The following GREB1 variants were observed in gnomAD, a reference collection of about 807,000 sequenced individuals.
GREB1 encodes protein GREB1.
A neutral mutation model predicts 200.7 loss-of-function variants in GREB1; 106 were observed. The ratio of observed to expected loss-of-function variants is 0.53; its 90% CI spans 0.45 to 0.62. GREB1 has a LOEUF of 0.62. GREB1 is among the 20% of genes least tolerant of loss of function. The probability of loss-of-function intolerance (pLI) is 0.00; values close to 1 mark genes in which losing one functional copy is unlikely to be tolerated. For synonymous variants in GREB1, 1,132 were observed against 1,092.4 expected, an observed-to-expected ratio of 1.04 and a Z score of -0.72; for missense variants, 2,243 against 2,556.8, an observed-to-expected ratio of 0.88 and a Z score of 2.65.
At chr2:11,618,974 C>T in intron 22 of GREB1, 55 bp downstream of exon 22, 1 of 1,414,786 alleles carries the variant, frequency 7.1e-7, no homozygotes, top group Non-Finnish European at 9.3e-7. Context: ...TCCTCACACT[C>T]CCATCTGGAG....
In GREB1 at chr2:11,566,547, G is replaced by C. The variant is rs1488990581; in HGVS notation, c.345G>C (p.Ala115=). 1 of 1,614,104 alleles carries C rather than the reference G, an allele frequency of 6.2e-7. No homozygotes were observed. The highest frequency in any genetic ancestry group is 8.5e-7 in the Non-Finnish European group (1 of 1,179,996). The part of the protein sequence containing the change: ...SISNEPMDVP[A]GFLLVGVKSP... ...CCAACGAGCCCATGGATGTCCCTGC[G>C]GGCTTTCTCCTCGTGGGGGTCAAGT... Residue 115 remains alanine, a synonymous_variant, in exon 4 of 33, where the codon GCG becomes GCC. Transcript: ENST00000381486.
intron 1 of GREB1, among the ~76,000 whole-genome samples, chr2:11,503,027 G>T (rs540749493): frequency 6.6e-6 from 1 of 152,206 alleles, no homozygotes; most frequent in East Asian, 1.9e-4. Context: ...GGAGGCTGCT[G>T]CAGAGGTGCC....
At chr2:11,569,345 A>C (rs1368647910) in intron 4 of GREB1, among the ~76,000 whole-genome samples, 1 of 151,388 alleles carries the variant, frequency 6.6e-6, no homozygotes, top group Non-Finnish European at 1.5e-5. Context: ...GGGGGGATGC[A>C]GGCACACCAA....
chr2:11,619,020 T>G, intron 22 of GREB1, 101 bp downstream of exon 22: 1 of 1,130,646 alleles, frequency 8.8e-7, no homozygotes, highest in Non-Finnish European at 1.2e-6. Context: ...ACGTCTTCAC[T>G]TTTCACCCTT....
intron 17 of GREB1, among the ~76,000 whole-genome samples, chr2:11,603,087 A>G (rs1558618521): frequency 6.6e-6 from 1 of 152,222 alleles, no homozygotes; most frequent in Non-Finnish European, 1.5e-5. Context: ...CAAGTGACAG[A>G]ACTGGGTGAG....
intron 14 of GREB1, 23 bp from the exon 15 acceptor site, chr2:11,598,657 G>T (rs1253384052): frequency 6.2e-7 from 1 of 1,610,654 alleles, no homozygotes; most frequent in Admixed American, 1.7e-5. Context: ...TGCAGTTACT[G>T]ATGTATGTTC....
In GREB1 at chr2:11,522,507, C is replaced by T. The variant is rs569098914; in HGVS notation, c.-158-33950C>T. On this transcript the variant is annotated intron_variant, in intron 1 of 2. Coordinates refer to the GREB1 transcript ENST00000628795. The stretch of plus-strand genomic sequence containing the variant: ...ACTGGTTTTTGTGCTGGACCCTGCA[C>T]ACTGCTGCAGGACTCGCAGCAGGAA... Among the ~76,000 whole-genome samples, 10 of 152,278 alleles carry T rather than the reference C, an allele frequency of 6.6e-5. No homozygotes were observed. In the South Asian group the frequency reaches 2.1e-3, roughly 32 times the overall value.
chr2:11,580,947 C>T lies in GREB1; in HGVS notation c.901+115C>T. ...CTGAGCCTCCTGGAGTCTGATGTGGCTTCCATGAGAGTCAGGCCAGGACCA... is the reference window on the plus strand; with the variant it reads ...CTGAGCCTCCTGGAGTCTGATGTGGTTTCCATGAGAGTCAGGCCAGGACCA... On this transcript the variant is annotated intron_variant, in intron 7 of 32. Coordinates refer to ENST00000381486, the MANE Select transcript of GREB1 (RefSeq NM_014668.4). This position sits in a 1 kb window ranked among gnomAD's most constrained non-coding sequence, Gnocchi z 4.5. 4 of 1,329,434 alleles carry T rather than the reference C, an allele frequency of 3.0e-6. No individual in the cohort carries two copies. Among genetic ancestry groups the T allele is most frequent in the South Asian group, 1.2e-5 (1 of 81,698 alleles). The allele number at this position is 1,329,434 out of a possible 1,614,324, so 82.4% of individuals were successfully genotyped here.
At chr2:11,581,206 G>T (rs766261104) in intron 7 of GREB1, 4 of 566,370 alleles carry the variant, frequency 7.1e-6, no homozygotes, top group Admixed American at 6.6e-5. Flanking sequence ...AAAACCTACC[G>T]CTGTCTCTTG....
chr2:11,489,938 C>CATA (rs376716554), intron 1 of GREB1, among the ~76,000 whole-genome samples: 5,178 of 145,962 alleles, frequency 0.035, 302 homozygotes, highest in African/African-American at 0.12. Flanking sequence ...AGTACAATAA[C>CATA]ATATATATTT....
chr2:11,615,124 C>T lies in GREB1; in HGVS notation c.3156C>T (p.Asn1052=), dbSNP rs1425511034. ...SLRYCDLRLI[N]SSCLVRTALE... ...GGTACTGTGACCTGCGATTGATAAACTCCTCCTGCTTGGTGAGAACAGCCT... is the reference window on the plus strand; with the variant it reads ...GGTACTGTGACCTGCGATTGATAAATTCCTCCTGCTTGGTGAGAACAGCCT... Residue 1052 remains asparagine, a synonymous_variant, in exon 20 of 33, where the codon AAC becomes AAT. Transcript: ENST00000381486. The T allele has an allele frequency of 1.2e-6, 2 of 1,614,180 alleles. No homozygotes were observed. The highest frequency in any genetic ancestry group is 1.7e-5 in the Admixed American group (1 of 60,034).
chr2:11,489,454 G>A (rs184395063), intron 1 of GREB1, among the ~76,000 whole-genome samples: 31 of 150,912 alleles, frequency 2.1e-4, no homozygotes, highest in East Asian at 3.9e-4. Flanking sequence ...GCCAGACTCC[G>A]TCTTGGGGGA....
intron 10 of GREB1, chr2:11,591,381 C>T (rs543031880): frequency 1.2e-4 from 86 of 734,592 alleles, no homozygotes; most frequent in African/African-American, 1.7e-4. Flanking sequence ...GGAAGCCTGA[C>T]GCACTTTCTT....
chr2:11,577,879 C>G (rs1452530663), intron 5 of GREB1, among the ~76,000 whole-genome samples: 1 of 152,252 alleles, frequency 6.6e-6, no homozygotes, highest in African/African-American at 2.4e-5. Flanking sequence ...CTTTGATCAC[C>G]TGCTGGGTCC....
At chr2:11,586,884 AC>A (rs1680157907) in intron 9 of GREB1, among the ~76,000 whole-genome samples, 4 of 152,238 alleles carry the variant, frequency 2.6e-5, no homozygotes, top group Middle Eastern at 3.4e-3. Context: ...TCAAATGAAG[AC>A]CAACATTCTT....
At position 11,514,929 on chromosome 2, in the gene GREB1, A is replaced by T. The variant is rs370120053; in HGVS notation, c.-159+32548A>T. Among the ~76,000 whole-genome samples, 3 of 152,130 alleles carry T rather than the reference A, an allele frequency of 2.0e-5. No homozygotes were observed. In the East Asian group the frequency reaches 5.8e-4, roughly 29 times the overall value. ...ATTAGTTGAATCCATCCGTCCACACATGTATCCATCTTCCCATCTCTTCCT... is the reference window on the plus strand; with the variant it reads ...ATTAGTTGAATCCATCCGTCCACACTTGTATCCATCTTCCCATCTCTTCCT... On this transcript the variant is annotated intron_variant, in intron 1 of 2. Coordinates refer to the GREB1 transcript ENST00000628795.
At chr2:11,547,114 T>C (rs1485485404) in intron 1 of GREB1, among the ~76,000 whole-genome samples, 3 of 152,164 alleles carry the variant, frequency 2.0e-5, no homozygotes, top group Admixed American at 2.0e-4. Context: ...AGCTATGTTT[T>C]GTATTTTTAG....
intron 10 of GREB1, chr2:11,592,189 T>TCA: frequency 2.7e-6 from 1 of 366,402 alleles, no homozygotes; most frequent in Non-Finnish European, 3.6e-6. Context: ...TTTTTTTTCT[T>TCA]TTTTTTTTTT....
rs747331568 is a variant in GREB1, at chr2:11,585,836, T to C, written c.1090T>C (p.Ser364Pro). 1.2e-6 allele frequency: 2 copies of C among 1,613,320 alleles called. No homozygotes were observed. Among genetic ancestry groups the C allele is most frequent in the African/African-American group, 2.7e-5 (2 of 74,932 alleles). ...TTCAGTCACCTTTCCAGTGGTGGCCTCTGGAGAACCAGTGTCTGTTCCTGA... is the reference window on the plus strand; with the variant it reads ...TTCAGTCACCTTTCCAGTGGTGGCCCCTGGAGAACCAGTGTCTGTTCCTGA... ...PASVTFPVVA[S>P]GEPVSVPDNL... is the part of the protein sequence containing the mutation. Residue 364 changes from serine to proline, a missense_variant, in exon 9 of 33, where the codon TCT becomes CCT. Coordinates refer to ENST00000381486, the MANE Select transcript of GREB1 (RefSeq NM_014668.4).
Sources: allele counts gnomAD v4.1 joint callset (sites outside exome capture counted in the v4.1 genomes callset), GRCh38; gene constraint gnomAD v4.1.1; non-coding constraint Gnocchi (gnomAD v3.1); transcripts MANE v1.5; gene names NCBI Gene and HGNC (gene_info 2026-07-23, HGNC 2026-07-21).